The following NTM variants were observed in gnomAD, a reference collection of about 807,000 sequenced individuals.
The protein encoded by NTM is neurotrimin, also known as IgLON family member 2.
A neutral mutation model predicts 42.1 loss-of-function variants in NTM; 13 were observed. That is an observed-to-expected ratio of 0.31 (90% CI 0.20 to 0.49). The LOEUF (loss-of-function observed/expected upper bound fraction) is 0.49, where lower values mean the gene tolerates loss of function less well. Among genes scored for constraint, NTM ranks in the 20% least tolerant of loss-of-function variants. The pLI, the probability that NTM is intolerant of heterozygous loss-of-function variation, is 0.99. For synonymous variants in NTM, 187 were observed against 179.2 expected (o/e 1.04, Z -0.35); for missense variants, 373 against 452.8 (o/e 0.82, Z 1.60).
intron 1 of NTM, among the ~76,000 whole-genome samples, chr11:131,900,608 T>C (rs1040077472): frequency 6.6e-6 from 1 of 151,888 alleles, no homozygotes; most frequent in African/African-American, 2.4e-5. Flanking sequence ...ATGTAAAATA[T>C]ATTTTGGAGG....
At position 131,526,095 on chromosome 11, in the gene NTM, T is replaced by A. The variant is rs146290771; in HGVS notation, c.82+155207T>A. Among the ~76,000 whole-genome samples, 22 of 152,318 alleles carry A rather than the reference T, an allele frequency of 1.4e-4. No individual in the cohort carries two copies. The East Asian group carries it at 4.2e-3, about 29-fold the overall frequency. ...TGGCTCAATCCTCACAACAGTGCCA[T>A]TAGGCAAGAACTATTGACCCATTTC... On this transcript the variant is annotated intron_variant, in intron 1 of 8. Coordinates refer to ENST00000683400, the MANE Select transcript of NTM (RefSeq NM_001352005.2).
At chr11:132,118,402 G>A (rs2136884218) in intron 2 of NTM, among the ~76,000 whole-genome samples, 1 of 152,326 alleles carries the variant, frequency 6.6e-6, no homozygotes, top group Non-Finnish European at 1.5e-5. Flanking sequence ...AAAAAGCTGG[G>A]ACTTGGCATT....
intron 2 of NTM, among the ~76,000 whole-genome samples, chr11:131,981,765 C>T (rs1290574424): frequency 6.6e-6 from 1 of 152,046 alleles, no homozygotes; most frequent in African/African-American, 2.4e-5. Flanking sequence ...AATCCCAGCA[C>T]ATTGGGAGGC....
intron 4 of NTM, among the ~76,000 whole-genome samples, chr11:132,234,734 A>C (rs553155276): frequency 6.6e-6 from 1 of 152,338 alleles, no homozygotes; most frequent in South Asian, 2.1e-4. Context: ...GGACTTTGAA[A>C]TCTTGTCACT....
chr11:131,652,876 C>T lies in NTM; in HGVS notation c.83-258688C>T, dbSNP rs113266475. 3.5e-4 allele frequency among the ~76,000 whole-genome samples: 53 copies of T among 152,338 alleles called. 1 individual carries two copies. The highest frequency in any genetic ancestry group is 2.1e-3 in the South Asian group (10 of 4,832). ...CCCTGGCACAGGTGGCCATGGGTGG[C>T]GGTCACTCCGCCTTCAGAAAGCCAC... On this transcript the variant is annotated intron_variant, in intron 1 of 8. Coordinates refer to ENST00000683400, the MANE Select transcript of NTM (RefSeq NM_001352005.2).
chr11:131,949,930 A>G lies in NTM; in HGVS notation c.167+38282A>G, dbSNP rs1462445376. On this transcript the variant is annotated intron_variant, in intron 2 of 8. Coordinates refer to ENST00000683400, the MANE Select transcript of NTM (RefSeq NM_001352005.2). ...TTCTCTTCTGACACTTTGCACACTT[A>G]CTAGTATTTACTATTTATAATTATT... Among the ~76,000 whole-genome samples the G allele has an allele frequency of 2.6e-5, 4 of 152,104 alleles. No individual in the cohort carries two copies. In the East Asian group the frequency reaches 7.7e-4, roughly 29 times the overall value.
intron 1 of NTM, among the ~76,000 whole-genome samples, chr11:131,603,250 C>T (rs1592191789): frequency 6.6e-6 from 1 of 152,020 alleles, no homozygotes; most frequent in African/African-American, 2.4e-5. Flanking sequence ...ATCCCTCCAA[C>T]ATACCCACTT....
intron 1 of NTM, among the ~76,000 whole-genome samples, chr11:131,837,758 G>A (rs1029864135): frequency 4.6e-5 from 7 of 152,022 alleles, no homozygotes; most frequent in African/African-American, 1.2e-4. Context: ...TGCCTGCCGC[G>A]ATGCCAGGCC....
chr11:132,079,551 T>C (rs1041972288), intron 2 of NTM, among the ~76,000 whole-genome samples: 1 of 152,246 alleles, frequency 6.6e-6, no homozygotes, highest in Admixed American at 6.5e-5. Flanking sequence ...TTTTTATTGG[T>C]AACTTGGAGT....
intron 1 of NTM, among the ~76,000 whole-genome samples, chr11:131,624,508 C>T (rs1388155579): frequency 1.3e-5 from 2 of 152,146 alleles, no homozygotes; most frequent in Non-Finnish European, 2.9e-5. Flanking sequence ...TTCCCAGTGG[C>T]TCCCACCCAG....
chr11:131,468,296 G>A (rs1307816603), intron 1 of NTM, among the ~76,000 whole-genome samples: 8 of 152,242 alleles, frequency 5.3e-5, no homozygotes, highest in African/African-American at 1.4e-4. Flanking sequence ...TCCTCAGGAC[G>A]TGATTCCGCA....
At chr11:131,562,844 C>A (rs2056408732) in intron 1 of NTM, among the ~76,000 whole-genome samples, 1 of 152,200 alleles carries the variant, frequency 6.6e-6, no homozygotes, top group African/African-American at 2.4e-5. Context: ...ACAGCCCGAA[C>A]CTTGCAAATG....
At chr11:131,468,536 T>A (rs1040334732) in intron 1 of NTM, among the ~76,000 whole-genome samples, 1 of 151,994 alleles carries the variant, frequency 6.6e-6, no homozygotes, top group Non-Finnish European at 1.5e-5. Flanking sequence ...ATTGCTTTGG[T>A]TTTTTTGTGA....
intron 1 of NTM, among the ~76,000 whole-genome samples, chr11:131,839,876 T>A (rs1052878626): frequency 4.6e-5 from 7 of 152,316 alleles, no homozygotes; most frequent in Middle Eastern, 3.4e-3. Flanking sequence ...AGTTTCTAGA[T>A]GTATTTCCAA....
intron 2 of NTM, among the ~76,000 whole-genome samples, chr11:132,068,746 T>C (rs902051791): frequency 2.6e-5 from 4 of 152,192 alleles, no homozygotes; most frequent in African/African-American, 4.8e-5. Context: ...TGATGGGTGC[T>C]GGCTAGGCAA....
intron 4 of NTM, among the ~76,000 whole-genome samples, chr11:132,289,135 T>C (rs2094361115): frequency 6.6e-6 from 1 of 152,224 alleles, no homozygotes; most frequent in East Asian, 1.9e-4. Context: ...TAGCAGCTGC[T>C]TTAAGATCTG....
At chr11:131,678,786 T>G (rs2071888295) in intron 1 of NTM, among the ~76,000 whole-genome samples, 1 of 152,184 alleles carries the variant, frequency 6.6e-6, no homozygotes, top group African/African-American at 2.4e-5. Flanking sequence ...GTGTCTGGAC[T>G]TCTGACGCTC....
intron 1 of NTM, among the ~76,000 whole-genome samples, chr11:131,453,383 T>C (rs1292069941): frequency 1.3e-5 from 2 of 152,186 alleles, no homozygotes; most frequent in African/African-American, 4.8e-5. Flanking sequence ...TTTTCATTTT[T>C]AGGAGGCTTG....
At chr11:132,061,663 T>C (rs1265594107) in intron 2 of NTM, among the ~76,000 whole-genome samples, 1 of 152,146 alleles carries the variant, frequency 6.6e-6, no homozygotes, top group African/African-American at 2.4e-5. Flanking sequence ...ATTTGATAAC[T>C]CATGAGTGGG....
Sources: gnomAD v4.1 joint callset for allele counts (sites outside exome capture counted in the v4.1 genomes callset) on GRCh38, gnomAD v4.1.1 for gene constraint, MANE v1.5 for transcripts, NCBI Gene and HGNC (gene_info 2026-07-23, HGNC 2026-07-21) for gene names.